Variants in PCDH15 observed in about 807,000 individuals in gnomAD.
The protein encoded by PCDH15 is protocadherin-15.
Under a neutral mutation model 178.5 loss-of-function variants are expected in PCDH15, and 129 were observed. That is an observed-to-expected ratio of 0.72 (90% confidence interval 0.63 to 0.84). PCDH15 has a LOEUF of 0.84. Among genes scored for constraint, PCDH15 ranks in the 40% least tolerant of loss-of-function variants. The pLI, the probability that PCDH15 is intolerant of heterozygous loss-of-function variation, is 0.00. For synonymous variants in PCDH15, 800 were observed against 732.0 expected (o/e 1.09, Z -1.50); for missense variants, 2,230 against 2,099.9 (o/e 1.06, Z -1.21).
At chr10:54,061,872 C>A in intron 18 of PCDH15, among the ~76,000 whole-genome samples, 1 of 151,808 alleles carries the variant, frequency 6.6e-6, no homozygotes, top group South Asian at 2.1e-4. Flanking sequence ...ATGTATAATC[C>A]ATAAATTTGC....
intron 15 of PCDH15, among the ~76,000 whole-genome samples, chr10:54,096,395 A>G (rs1220489466): frequency 6.6e-6 from 1 of 152,034 alleles, no homozygotes; most frequent in East Asian, 1.9e-4. Context: ...GCTACTCTTC[A>G]TTGTTAAAGT....
intron 15 of PCDH15, among the ~76,000 whole-genome samples, chr10:54,103,693 G>T (rs919656407): frequency 6.6e-6 from 1 of 152,170 alleles, no homozygotes; most frequent in African/African-American, 2.4e-5. Flanking sequence ...TTTCCAGCAA[G>T]CTCAGAGTTG....
At chr10:54,285,331 A>G (rs1278351354) in intron 8 of PCDH15, among the ~76,000 whole-genome samples, 1 of 152,140 alleles carries the variant, frequency 6.6e-6, no homozygotes, top group Admixed American at 6.6e-5. Context: ...TGTATCAGAT[A>G]AGATATTAAT....
chr10:53,893,356 AG>A (rs2133519271), intron 26 of PCDH15, among the ~76,000 whole-genome samples: 1 of 152,350 alleles, frequency 6.6e-6, no homozygotes, highest in African/African-American at 2.4e-5. Context: ...AGCCCAAAAG[AG>A]TTTAATGTAA....
intron 3 of PCDH15, among the ~76,000 whole-genome samples, chr10:54,481,282 G>A (rs1256079234): frequency 1.3e-5 from 2 of 151,482 alleles, no homozygotes; most frequent in Non-Finnish European, 3.0e-5. Flanking sequence ...TATGCTTACT[G>A]CATTTTAAAT....
At chr10:54,079,627 A>G (rs571797468) in intron 16 of PCDH15, among the ~76,000 whole-genome samples, 29 of 152,328 alleles carry the variant, frequency 1.9e-4, no homozygotes, top group Admixed American at 2.6e-4. Flanking sequence ...AGCAGTATCC[A>G]TGAAACTGAC....
chr10:55,200,473 T>C (rs1452216366), intron 1 of PCDH15, among the ~76,000 whole-genome samples: 4 of 152,084 alleles, frequency 2.6e-5, no homozygotes, highest in African/African-American at 4.8e-5. Flanking sequence ...TACAGGCTCA[T>C]AGGTGGAAGG....
intron 1 of PCDH15, among the ~76,000 whole-genome samples, chr10:55,312,778 C>T (rs903336128): frequency 6.6e-6 from 1 of 152,044 alleles, no homozygotes; most frequent in Non-Finnish European, 1.5e-5. Context: ...CCACCATGCC[C>T]AGCTAATTTT....
chr10:54,066,288 C>T (rs1011402754), intron 18 of PCDH15, among the ~76,000 whole-genome samples: 2 of 152,160 alleles, frequency 1.3e-5, no homozygotes, highest in Non-Finnish European at 2.9e-5. Flanking sequence ...TAGAAGAACA[C>T]TAAGAGTAAG....
intron 18 of PCDH15, among the ~76,000 whole-genome samples, chr10:54,062,543 A>G (rs1419438257): frequency 6.6e-6 from 1 of 152,134 alleles, no homozygotes; most frequent in Admixed American, 6.5e-5. Context: ...ACTGTGCAGA[A>G]TCAGTTAGAT....
chr10:54,053,526 C>A (rs1385034956), intron 18 of PCDH15, among the ~76,000 whole-genome samples: 1 of 151,948 alleles, frequency 6.6e-6, no homozygotes, highest in Non-Finnish European at 1.5e-5. Context: ...ATAGAAAACA[C>A]CGAGGGTATA....
chr10:54,307,587 C>A (rs1468690258), intron 8 of PCDH15, among the ~76,000 whole-genome samples: 1 of 151,904 alleles, frequency 6.6e-6, no homozygotes, highest in Non-Finnish European at 1.5e-5. Flanking sequence ...ACAGTATCAC[C>A]TTGTGGCATT....
intron 2 of PCDH15, among the ~76,000 whole-genome samples, chr10:54,613,075 C>T (rs890344882): frequency 2.6e-5 from 4 of 151,520 alleles, no homozygotes; most frequent in African/African-American, 4.8e-5. Context: ...ACAAAAATAC[C>T]GATTCAGGGC....
chr10:55,398,000 T>A (rs903696130), intron 2 of PCDH15, among the ~76,000 whole-genome samples: 1 of 152,176 alleles, frequency 6.6e-6, no homozygotes, highest in African/African-American at 2.4e-5. Flanking sequence ...TTTATTGCAC[T>A]TTCTAATGCT....
rs2090078869 is a variant in PCDH15, at chr10:53,975,112, T to G, written c.2869-13220A>C. Among the ~76,000 whole-genome samples the G allele has an allele frequency of 2.0e-5, 3 of 152,142 alleles. No homozygotes were observed. In the South Asian group the frequency reaches 6.2e-4, roughly 31 times the overall value. ...TCAATATTGCTGCAAAGGGCGTGCT[T>G]TCATTCTTTTTTATGTTTGCATAGT... is the stretch of plus-strand genomic sequence containing the variant. On this transcript the variant is annotated intron_variant, in intron 21 of 37. Transcript: ENST00000644397.
chr10:54,741,274 A>G (rs1426138393), intron 1 of PCDH15, among the ~76,000 whole-genome samples: 2 of 151,322 alleles, frequency 1.3e-5, no homozygotes, highest in Non-Finnish European at 3.0e-5. Context: ...ATATAAAACT[A>G]ATACATATAA....
chr10:54,695,017 G>T (rs1224008678), intron 1 of PCDH15, among the ~76,000 whole-genome samples: 1 of 148,816 alleles, frequency 6.7e-6, no homozygotes, highest in Non-Finnish European at 1.5e-5. Context: ...GTGAGCACAT[G>T]AATGATAAGA....
intron 29 of PCDH15, among the ~76,000 whole-genome samples, chr10:53,833,219 T>C (rs2077114543): frequency 6.6e-6 from 1 of 152,020 alleles, no homozygotes; most frequent in Non-Finnish European, 1.5e-5. Context: ...ACCCCTACAA[T>C]GTGGAGTTCA....
At chr10:54,782,491 T>A (rs192572016) in intron 1 of PCDH15, among the ~76,000 whole-genome samples, 2 of 152,266 alleles carry the variant, frequency 1.3e-5, no homozygotes, top group East Asian at 3.9e-4. Context: ...GTAAAAGTAC[T>A]AACCTACCAA....
Sources: allele counts gnomAD v4.1 joint callset (sites outside exome capture counted in the v4.1 genomes callset), GRCh38; gene constraint gnomAD v4.1.1; transcripts MANE v1.5; gene names NCBI Gene and HGNC (gene_info 2026-07-23, HGNC 2026-07-21).